KCNN2: variants seen among roughly 807,000 people sequenced by gnomAD.
The protein encoded by KCNN2 is potassium calcium-activated channel subfamily N member 2.
Under a neutral mutation model 55.5 loss-of-function variants are expected in KCNN2, and 24 were observed. That is an observed-to-expected ratio of 0.43 (90% CI 0.31 to 0.61). The LOEUF is 0.61. Ranked by LOEUF, KCNN2 falls within the 20% of genes least tolerant of loss-of-function variation. The pLI is 0.08. For synonymous variants in KCNN2, 431 were observed against 336.1 expected, an observed-to-expected ratio of 1.28 and a Z score of -3.09; for missense variants, 754 against 853.6, an observed-to-expected ratio of 0.88 and a Z score of 1.45.
rs142256189 is a variant in KCNN2, at chr5:114,264,213, T to TG, written c.-185+42649dup. Reference sequence around the variant, plus strand: ...TTTCCATCATTTCTATGACTCTGTATGCATGTTCTTCATACATGAGATGTG... The same window carrying TG: ...TTTCCATCATTTCTATGACTCTGTATGGCATGTTCTTCATACATGAGATGTG... On this transcript the variant is annotated intron_variant, in intron 2 of 10. Transcript: ENST00000512097. Among the ~76,000 whole-genome samples, 957 of 152,304 alleles carry TG rather than the reference T, an allele frequency of 6.3e-3. 6 individuals carry two copies. Among genetic ancestry groups the TG allele is most frequent in the African/African-American group, 0.022 (907 of 41,552 alleles).
At chr5:114,371,714 T>A (rs867929289) in intron 2 of KCNN2, among the ~76,000 whole-genome samples, 6 of 152,168 alleles carry the variant, frequency 3.9e-5, no homozygotes, top group Non-Finnish European at 8.8e-5. Flanking sequence ...CCCTCCTAGT[T>A]AAATAGTCCA....
chr5:114,456,317 C>G (rs896973569), intron 3 of KCNN2, among the ~76,000 whole-genome samples: 1 of 151,946 alleles, frequency 6.6e-6, no homozygotes, highest in Non-Finnish European at 1.5e-5. Flanking sequence ...AACAACAAAG[C>G]CTGGATGACA....
At chr5:114,466,737 C>A (rs1761472166) in intron 4 of KCNN2, among the ~76,000 whole-genome samples, 1 of 151,938 alleles carries the variant, frequency 6.6e-6, no homozygotes, top group African/African-American at 2.4e-5. Context: ...AATATCTGTT[C>A]ATTCCTAGGG....
intron 2 of KCNN2, among the ~76,000 whole-genome samples, chr5:114,350,235 A>T (rs1429084655): frequency 6.6e-6 from 1 of 151,946 alleles, no homozygotes; most frequent in Non-Finnish European, 1.5e-5. Flanking sequence ...TATCACTTTA[A>T]CATTTATTAT....
At chr5:114,299,095 C>A in intron 2 of KCNN2, among the ~76,000 whole-genome samples, 1 of 150,992 alleles carries the variant, frequency 6.6e-6, no homozygotes, top group Non-Finnish European at 1.5e-5. Flanking sequence ...CCCACCCTCC[C>A]TCCCTCCTTT....
At chr5:114,401,474 A>G (rs765162413) in intron 2 of KCNN2, among the ~76,000 whole-genome samples, 6 of 152,194 alleles carry the variant, frequency 3.9e-5, no homozygotes, top group African/African-American at 1.4e-4. Flanking sequence ...GAGAAATAAC[A>G]AGGAAGTTTA....
chr5:114,332,559 T>A (rs1239531818), intron 2 of KCNN2, among the ~76,000 whole-genome samples: 1 of 152,202 alleles, frequency 6.6e-6, no homozygotes, highest in Non-Finnish European at 1.5e-5. Flanking sequence ...GGGGTTGATA[T>A]TTAACCAAAT....
chr5:114,350,391 T>C (rs1757186353), intron 2 of KCNN2, among the ~76,000 whole-genome samples: 1 of 151,948 alleles, frequency 6.6e-6, no homozygotes, highest in African/African-American at 2.4e-5. Flanking sequence ...TTTGTAAATA[T>C]TTTCTCCCAT....
intron 1 of KCNN2, among the ~76,000 whole-genome samples, chr5:114,184,165 A>G (rs920862402): frequency 6.6e-6 from 1 of 152,192 alleles, no homozygotes; most frequent in Non-Finnish European, 1.5e-5. Context: ...GGCGAAGAGC[A>G]CACTTTACTA....
At chr5:114,308,034 A>C (rs1756319030) in intron 2 of KCNN2, among the ~76,000 whole-genome samples, 1 of 152,140 alleles carries the variant, frequency 6.6e-6, no homozygotes, top group African/African-American at 2.4e-5. Flanking sequence ...TGCATATGTC[A>C]GCCAGTCCCT....
chr5:114,421,929 G>C (rs1246115087), intron 3 of KCNN2, among the ~76,000 whole-genome samples: 1 of 152,132 alleles, frequency 6.6e-6, no homozygotes, highest in Non-Finnish European at 1.5e-5. Flanking sequence ...AAATTAAAAA[G>C]AATGTATCTG....
At chr5:114,421,215 A>G (rs1406001784) in intron 3 of KCNN2, among the ~76,000 whole-genome samples, 3 of 130,292 alleles carry the variant, frequency 2.3e-5, no homozygotes, top group Non-Finnish European at 4.9e-5. Context: ...ACCAACATAC[A>G]TGAAATTTTA....
intron 1 of KCNN2, among the ~76,000 whole-genome samples, chr5:114,129,236 G>A (rs750704042): frequency 3.9e-5 from 6 of 152,086 alleles, no homozygotes; most frequent in Non-Finnish European, 7.4e-5. Context: ...CTTTCCATTA[G>A]CCAAACCCAG....
intron 1 of KCNN2, among the ~76,000 whole-genome samples, chr5:114,159,350 A>G (rs1020190173): frequency 4.6e-5 from 7 of 152,212 alleles, no homozygotes; most frequent in Admixed American, 3.3e-4. Flanking sequence ...CCAGGGATGA[A>G]GCCCACTTGA....
At chr5:114,233,560 A>G (rs1754405775) in intron 2 of KCNN2, among the ~76,000 whole-genome samples, 2 of 152,156 alleles carry the variant, frequency 1.3e-5, no homozygotes, top group South Asian at 4.1e-4. Context: ...TCTGAAGCCA[A>G]CTTAGTTTTG....
At chr5:114,303,705 G>C (rs1756213116) in intron 2 of KCNN2, among the ~76,000 whole-genome samples, 1 of 152,146 alleles carries the variant, frequency 6.6e-6, no homozygotes, top group African/African-American at 2.4e-5. Context: ...AACTTAAGTT[G>C]CAATGCAAAT....
Position 114,404,562 on chromosome 5 carries a change from C to T in KCNN2, c.1343C>T (p.Thr448Ile). ...IHPIPGNYTF[T>I]WTARLAFSYA... ...CCCATACCTGGGAATTATACATTCA[C>T]ATGGACGGCCCGGCTTGCCTTCTCC... The change falls in exon 3 of 8, where the codon ACA (threonine) becomes ATA (isoleucine). Residue 448 changes from threonine to isoleucine, a missense_variant. This residue lies in a region of KCNN2 where 123 missense variants were observed against 204.9 expected (regional missense o/e 0.60). Transcript: ENST00000673685. The T allele has an allele frequency of 3.1e-6, 5 of 1,613,872 alleles. No individual in the cohort carries two copies. The highest frequency in any genetic ancestry group is 4.2e-6 in the Non-Finnish European group (5 of 1,180,010).
intron 1 of KCNN2, among the ~76,000 whole-genome samples, chr5:114,187,098 A>T (rs891461380): frequency 1.3e-5 from 2 of 152,184 alleles, no homozygotes; most frequent in Non-Finnish European, 2.9e-5. Context: ...AAATCTATTA[A>T]TTTGGTCAGT....
intron 3 of KCNN2, among the ~76,000 whole-genome samples, chr5:114,449,908 A>ACACACACACACACACACACACACACGCG (rs1309590184): frequency 3.0e-5 from 2 of 66,118 alleles, no homozygotes; most frequent in African/African-American, 7.0e-5. Context: ...ACACACACAC[A>ACACACACACACACACACACACACACGCG]CGCGCGCGCT....
Sources: allele counts gnomAD v4.1 joint callset (sites outside exome capture counted in the v4.1 genomes callset), GRCh38; gene constraint gnomAD v4.1.1; regional missense constraint gnomAD v4.1.1; transcripts MANE v1.5; gene names NCBI Gene and HGNC (gene_info 2026-07-23, HGNC 2026-07-21).